PDE10A: variants seen among roughly 807,000 people sequenced by gnomAD.
PDE10A encodes the protein cAMP and cAMP-inhibited cGMP 3',5'-cyclic phosphodiesterase 10A.
Under a neutral mutation model 97.7 loss-of-function variants are expected in PDE10A, and 39 were observed. The ratio of observed to expected loss-of-function variants is 0.40; its 90% CI spans 0.31 to 0.52. The LOEUF is 0.52. PDE10A is among the 20% of genes least tolerant of loss of function. The pLI is 0.56. For synonymous variants in PDE10A, 371 were observed against 376.8 expected (o/e 0.98, Z 0.18); for missense variants, 731 against 1,047.8 (o/e 0.70, Z 4.17).
chr6:165,679,132 G>T (rs1417483754), intron 1 of PDE10A, among the ~76,000 whole-genome samples: 2 of 152,202 alleles, frequency 1.3e-5, no homozygotes, highest in East Asian at 3.8e-4. Context: ...GATAAGGGGT[G>T]CCCCATGGAT....
chr6:165,910,594 A>G (rs1416197849), intron 1 of PDE10A, among the ~76,000 whole-genome samples: 1 of 152,216 alleles, frequency 6.6e-6, no homozygotes, highest in African/African-American at 2.4e-5. Context: ...TTAGTTCTAC[A>G]AAAGGGATAA....
intron 1 of PDE10A, among the ~76,000 whole-genome samples, chr6:165,850,974 C>G (rs1028146519): frequency 6.6e-6 from 1 of 152,140 alleles, no homozygotes; most frequent in Non-Finnish European, 1.5e-5. Flanking sequence ...GAGTTTCGAT[C>G]AGACAGTCTT....
At chr6:165,471,552 CA>C (rs1431827425) in intron 3 of PDE10A, among the ~76,000 whole-genome samples, 2 of 152,102 alleles carry the variant, frequency 1.3e-5, no homozygotes, top group African/African-American at 4.8e-5. Context: ...TGTTAGGAAC[CA>C]CCCCCTGAAC....
chr6:165,343,542 G>C, intron 18 of PDE10A, 40 bp from the exon 19 acceptor site: 2 of 1,391,672 alleles, frequency 1.4e-6, no homozygotes, highest in South Asian at 2.3e-5. Flanking sequence ...CATAGCATTT[G>C]CACATTTATA....
intron 1 of PDE10A, among the ~76,000 whole-genome samples, chr6:165,567,366 T>C (rs1206426193): frequency 6.6e-6 from 1 of 152,228 alleles, no homozygotes; most frequent in Non-Finnish European, 1.5e-5. Context: ...ACAGGTAAAA[T>C]TACTTACAAC....
At chr6:165,497,462 A>G (rs1780606669) in intron 2 of PDE10A, among the ~76,000 whole-genome samples, 1 of 152,222 alleles carries the variant, frequency 6.6e-6, no homozygotes, top group Non-Finnish European at 1.5e-5. Context: ...ATACTAGTAT[A>G]ACTAATATTT....
intron 1 of PDE10A, among the ~76,000 whole-genome samples, chr6:165,853,481 A>C (rs1033063512): frequency 3.5e-4 from 53 of 152,334 alleles, no homozygotes; most frequent in African/African-American, 1.3e-3. Context: ...GCAGGTTCTC[A>C]TTCATCTTTA....
At chr6:165,656,183 C>A (rs1479977878) in intron 1 of PDE10A, among the ~76,000 whole-genome samples, 1 of 150,894 alleles carries the variant, frequency 6.6e-6, no homozygotes. Context: ...CTCATACTTC[C>A]CATTCTGATA....
intron 1 of PDE10A, among the ~76,000 whole-genome samples, chr6:165,597,004 G>C (rs1017269290): frequency 6.6e-6 from 1 of 151,640 alleles, no homozygotes; most frequent in African/African-American, 2.4e-5. Context: ...TTACCTACTT[G>C]GTGCAGCCTT....
At chr6:165,550,931 A>T (rs1294615433) in intron 1 of PDE10A, among the ~76,000 whole-genome samples, 2 of 152,248 alleles carry the variant, frequency 1.3e-5, no homozygotes, top group Non-Finnish European at 2.9e-5. Flanking sequence ...ACGTTAAAAA[A>T]TCTTATTAGT....
At chr6:165,907,352 C>A (rs1381929385) in intron 1 of PDE10A, among the ~76,000 whole-genome samples, 3 of 152,210 alleles carry the variant, frequency 2.0e-5, no homozygotes, top group Non-Finnish European at 4.4e-5. Flanking sequence ...GGCATAGAGG[C>A]TGAGGTGTGA....
At chr6:165,893,268 C>T (rs1270141113) in intron 1 of PDE10A, among the ~76,000 whole-genome samples, 1 of 152,196 alleles carries the variant, frequency 6.6e-6, no homozygotes, top group Non-Finnish European at 1.5e-5. Flanking sequence ...TCAGATTTTG[C>T]CCCTCGCCCT....
At chr6:165,717,236 C>T (rs192034845) in intron 1 of PDE10A, among the ~76,000 whole-genome samples, 9 of 152,292 alleles carry the variant, frequency 5.9e-5, no homozygotes, top group Admixed American at 5.2e-4. Context: ...TATATCCACT[C>T]CTCCACTGAG....
chr6:165,888,207 A>C (rs980025925), intron 1 of PDE10A, among the ~76,000 whole-genome samples: 7 of 151,868 alleles, frequency 4.6e-5, no homozygotes, highest in African/African-American at 1.5e-4. Context: ...CCCAAACCAC[A>C]CACCTGGCTT....
intron 18 of PDE10A, among the ~76,000 whole-genome samples, chr6:165,360,530 G>C (rs1783340253): frequency 6.6e-6 from 1 of 152,198 alleles, no homozygotes; most frequent in Non-Finnish European, 1.5e-5. Context: ...CTCCCATAAA[G>C]AGTGGATGTT....
chr6:165,489,323 T>G (rs1196123614), intron 2 of PDE10A, among the ~76,000 whole-genome samples: 1 of 152,124 alleles, frequency 6.6e-6, no homozygotes. Context: ...AGTTCTGCTG[T>G]GTGGTTACAT....
chr6:165,533,141 G>A (rs1343547601), intron 2 of PDE10A, among the ~76,000 whole-genome samples: 1 of 152,058 alleles, frequency 6.6e-6, no homozygotes, highest in African/African-American at 2.4e-5. Flanking sequence ...CAAATATATA[G>A]TCACAAAATA....
intron 3 of PDE10A, among the ~76,000 whole-genome samples, chr6:165,471,306 T>TTC (rs1778990848): frequency 6.6e-6 from 1 of 152,170 alleles, no homozygotes; most frequent in Non-Finnish European, 1.5e-5. Context: ...AAATGTTATG[T>TTC]TCCAGGGTTG....
Position 165,561,611 on chromosome 6 carries a change from T to G in PDE10A, c.866-18043A>C, listed in dbSNP as rs565191761. ...TTCTGGCCTAACAAATTAATGTGTT[T>G]TGAGTGTTTTAAGATGTAAGTCTTA... On this transcript the variant is annotated intron_variant, in intron 1 of 21. Coordinates refer to ENST00000539869, the MANE Select transcript of PDE10A (RefSeq NM_001385079.1). 2.0e-5 allele frequency among the ~76,000 whole-genome samples: 3 copies of G among 152,318 alleles called. No homozygotes were observed. The South Asian group carries it at 6.2e-4, about 32-fold the overall frequency.
Sources: allele counts gnomAD v4.1 joint callset (sites outside exome capture counted in the v4.1 genomes callset), GRCh38; gene constraint gnomAD v4.1.1; transcripts MANE v1.5; gene names NCBI Gene and HGNC (gene_info 2026-07-23, HGNC 2026-07-21).